The following OBSL1 variants were observed in gnomAD, a reference collection of about 807,000 sequenced individuals.
The protein encoded by OBSL1 is obscurin like cytoskeletal adaptor 1.
A neutral mutation model predicts 172.0 loss-of-function variants in OBSL1; 160 were observed. The observed-to-expected ratio is 0.93, with a 90% CI of 0.82 to 1.06. The LOEUF is 1.06. OBSL1 is among the 50% of genes least tolerant of loss of function. OBSL1 has a pLI of 0.00. For synonymous variants in OBSL1, 1,200 were observed against 1,196.3 expected (o/e 1.00, Z -0.06); for missense variants, 2,681 against 2,715.4 (o/e 0.99, Z 0.28).
chr2:219,556,886 G>A (rs1696052185), intron 12 of OBSL1, 163 bp from the exon 13 acceptor site: 2 of 729,172 alleles, frequency 2.7e-6, no homozygotes, highest in South Asian at 2.2e-5. Context: ...CAAGATGCCA[G>A]CTCCCTGCCA....
rs530300374 is a variant in OBSL1 at position 219,570,542 on chromosome 2, C to T, written c.691G>A (p.Glu231Lys). 2.5e-6 allele frequency: 4 copies of T among 1,603,066 alleles called. No homozygotes were observed. Among genetic ancestry groups the T allele is most frequent in the Non-Finnish European group, 3.4e-6 (4 of 1,176,002 alleles). ...TCGTCGGGGTCCGCGGGCGGGCTCT[C>T]GGGGGGCTGGTGCACCTGGAGCAGC... is the stretch of plus-strand genomic sequence containing the variant. ...GALLQVHQPP[E>K]SPPADPDEAP... is the part of the protein sequence containing the mutation. Residue 231 changes from glutamate to lysine, a missense_variant, in exon 1 of 21, where the codon GAG becomes AAG. By Grantham distance (56) the Glu-to-Lys change is moderately conservative. Transcript: ENST00000404537.
At position 219,570,861 on chromosome 2, in the gene OBSL1, C is replaced by A. The variant is rs1490996321; in HGVS notation, c.372G>T (p.Gly124=). The stretch of plus-strand genomic sequence containing the variant: ...CCGTGAGGAAGACCGGGGCGCCCTC[C>A]CCGGACCCCGGCGATGGCAGCGGGC... The part of the protein sequence containing the change: ...AERPLPSPGS[G]EGAPVFLTGP... The change falls in exon 1 of 21, where the codon GGG becomes GGT. Residue 124 remains glycine (G), a synonymous_variant. Coordinates refer to ENST00000404537, the MANE Select transcript of OBSL1 (RefSeq NM_015311.3). 9.2e-6 allele frequency: 13 copies of A among 1,408,656 alleles called. No individual in the cohort carries two copies. The highest frequency in any genetic ancestry group is 1.1e-5 in the Non-Finnish European group (12 of 1,082,620). The allele number at this position is 1,408,656 out of a possible 1,614,324, so 87.3% of individuals were successfully genotyped here. A position where few individuals can be genotyped will look rare whatever the true frequency, so the allele number is the denominator to read the frequency against.
intron 12 of OBSL1, 148 bp from the exon 13 acceptor site, chr2:219,556,871 A>C (rs964248362): frequency 4.7e-6 from 4 of 851,640 alleles, no homozygotes; most frequent in African/African-American, 1.7e-5. Flanking sequence ...CGATGGCCCA[A>C]AGGACAAGAT....
rs1697289208 is a variant in OBSL1 at position 219,570,741 on chromosome 2, G to A, written c.492C>T (p.Asp164=). The A allele has an allele frequency of 6.6e-7, 1 of 1,510,592 alleles. No individual in the cohort carries two copies. The highest frequency in any genetic ancestry group is 1.2e-5 in the South Asian group (1 of 81,070). 93.6% of individuals were successfully genotyped at this position (1,510,592 alleles called of 1,614,324 possible). Residue 164 remains aspartate (D), a synonymous_variant, in exon 1 of 21, where the codon GAC becomes GAT. Coordinates refer to ENST00000404537, the MANE Select transcript of OBSL1 (RefSeq NM_015311.3). ...LPEPTLYWEK[D]GMALDEVWDS... Reference sequence around the variant, plus strand: ...CCCACACTTCGTCCAGGGCCATCCCGTCCTTCTCCCAGTACAGTGTGGGCT... The same window carrying A: ...CCCACACTTCGTCCAGGGCCATCCCATCCTTCTCCCAGTACAGTGTGGGCT...
rs1337852114 is a variant in OBSL1, at chr2:219,568,265, C to T, written c.1072G>A (p.Ala358Thr). The change falls in exon 2 of 21, where the codon GCC becomes ACC. Residue 358 changes from alanine (A) to threonine (T), a missense_variant. Ala to Thr is a moderately conservative substitution (Grantham distance 58). This residue lies in a region of OBSL1 where 706 missense variants were observed against 695.8 expected (regional missense o/e 1.01). Transcript: ENST00000404537. The surrounding 1 kb of genome is among the most constrained non-coding windows in gnomAD (Gnocchi z 4.1). ...TTGGGTACTTTACATTCCAGCACGG[C>T]AATCCCGTGCTCACGGCCCTCCACG... ...QDVEGREHGI[A>T]VLECKVPNSR... The T allele has an allele frequency of 6.2e-7, 1 of 1,611,538 alleles. No homozygotes were observed. The highest frequency in any genetic ancestry group is 8.5e-7 in the Non-Finnish European group (1 of 1,179,124).
intron 14 of OBSL1, chr2:219,555,189 G>GA (rs1695910510): frequency 6.1e-6 from 1 of 164,856 alleles, no homozygotes; most frequent in African/African-American, 2.4e-5. Context: ...TTTCTTGAAT[G>GA]AAATAAGTTA....
At chr2:219,547,939 C>A (rs760786533), downstream of OBSL1, 1 of 1,593,430 alleles carries the variant, frequency 6.3e-7, no homozygotes, top group Non-Finnish European at 8.5e-7. Context: ...TGGGGCGCTA[C>A]GTGGTGGAGC....
At position 219,554,523 on chromosome 2, in the gene OBSL1, G is replaced by A. The variant is rs1559135131; in HGVS notation, c.4827C>T (p.Val1609=). The change falls in exon 15 of 21, where the codon GTC becomes GTT. Residue 1609 remains valine (V), a synonymous_variant. Coordinates refer to ENST00000404537, the MANE Select transcript of OBSL1 (RefSeq NM_015311.3). ...NGLGLADSGC[V]SFTADSLRCA... ...AGCGCAGGGAATCCGCTGTGAAGGA[G>A]ACACAGCCTGAGTCGGCCAGGCCCA... The A allele has an allele frequency of 5.6e-6, 9 of 1,613,456 alleles. No individual in the cohort carries two copies. The highest frequency in any genetic ancestry group is 7.6e-6 in the Non-Finnish European group (9 of 1,179,884).
In OBSL1 at chr2:219,563,349, C is replaced by T. The variant is rs1292960029; in HGVS notation, c.2680+6G>A. 22 of 1,556,916 alleles carry T rather than the reference C, an allele frequency of 1.4e-5. No individual in the cohort carries two copies. The Admixed American group carries it at 1.8e-4, about 13-fold the overall frequency. ...CTGTGCCTCCGAGGCCCACCTGGCCCCCCACCTGTGATGGTGACAGTGAAG... is the reference window on the plus strand; with the variant it reads ...CTGTGCCTCCGAGGCCCACCTGGCCTCCCACCTGTGATGGTGACAGTGAAG... On this transcript the variant is annotated splice_donor_region_variant and intron_variant, in intron 7 of 20. Coordinates refer to ENST00000404537, the MANE Select transcript of OBSL1 (RefSeq NM_015311.3).
intron 8 of OBSL1, among the ~76,000 whole-genome samples, chr2:219,561,295 T>G (rs964096075): frequency 2.6e-5 from 4 of 152,020 alleles, no homozygotes; most frequent in Admixed American, 2.6e-4. Context: ...CCTAGCCCTA[T>G]GGACCCCCAG....
chr2:219,547,277 G>A, downstream of OBSL1: 1 of 426,650 alleles, frequency 2.3e-6, no homozygotes, highest in East Asian at 3.4e-5. Context: ...TGATCTCAAT[G>A]GTTATGTTTG....
downstream of OBSL1, chr2:219,547,805 G>C: frequency 1.3e-6 from 2 of 1,591,810 alleles, no homozygotes; most frequent in Non-Finnish European, 1.7e-6. Context: ...GTTGCTGGGG[G>C]GCGGCCTGCT....
chr2:219,567,206 G>C, intron 4 of OBSL1, 67 bp downstream of exon 4: 1 of 1,560,288 alleles, frequency 6.4e-7, no homozygotes, highest in Non-Finnish European at 8.7e-7. Flanking sequence ...AAGCCTGTGA[G>C]AGGACCAGCA....
In OBSL1 at chr2:219,558,712, T is replaced by G. The variant is rs569341420; in HGVS notation, c.3227-253A>C. 7.2e-5 allele frequency among the ~76,000 whole-genome samples: 11 copies of G among 152,248 alleles called. No homozygotes were observed. The South Asian group carries it at 2.1e-3, about 29-fold the overall frequency. The stretch of plus-strand genomic sequence containing the variant: ...CATGGCTGAGGACCTGAGGCCTCTT[T>G]AGAAGAAACTGACTTGCCTAAGGTC... On this transcript the variant is annotated intron_variant, in intron 9 of 20. Coordinates refer to ENST00000404537, the MANE Select transcript of OBSL1 (RefSeq NM_015311.3).
intron 18 of OBSL1, 140 bp from the exon 19 acceptor site, chr2:219,552,356 G>T (rs946618799): frequency 2.2e-6 from 2 of 917,468 alleles, no homozygotes; most frequent in Non-Finnish European, 3.3e-6. Flanking sequence ...GATGCGGAGC[G>T]GGAAGCCTAG....
rs1473813268 is a variant in OBSL1 at position 219,565,224 on chromosome 2, GC to G, written c.2407+17del. ...ATCAGCCTTGGCTGGAGGAGCCCAG[GC>G]TGGCATGCTTCCTGACCTTGGACAG... On this transcript the variant is annotated intron_variant, in intron 6 of 20. Transcript: ENST00000404537. The G allele has an allele frequency of 1.3e-6, 2 of 1,595,104 alleles. No homozygotes were observed. Among genetic ancestry groups the G allele is most frequent in the African/African-American group, 2.7e-5 (2 of 74,614 alleles).
intron 7 of OBSL1, 182 bp downstream of exon 7, chr2:219,563,173 T>C: frequency 1.6e-6 from 1 of 627,656 alleles, no homozygotes; most frequent in Admixed American, 3.0e-5. Context: ...AATGTGCTTA[T>C]GATAACACGT....
chr2:219,564,533 T>C (rs1179238548), intron 6 of OBSL1, among the ~76,000 whole-genome samples: 1 of 152,132 alleles, frequency 6.6e-6, no homozygotes, highest in Non-Finnish European at 1.5e-5. Context: ...TCAGAGTAAG[T>C]GTCCAAAAAG....
intron 8 of OBSL1, 89 bp downstream of exon 8, chr2:219,562,313 C>T (rs1696537592): frequency 2.7e-6 from 4 of 1,502,450 alleles, no homozygotes; most frequent in African/African-American, 2.7e-5. Context: ...CCTCCCTCCT[C>T]CCCGGGGTGC....
Sources: gnomAD v4.1 joint callset for allele counts (sites outside exome capture counted in the v4.1 genomes callset) on GRCh38, gnomAD v4.1.1 for gene constraint, gnomAD v4.1.1 regional missense constraint, Gnocchi (gnomAD v3.1) non-coding constraint, MANE v1.5 for transcripts, NCBI Gene and HGNC (gene_info 2026-07-23, HGNC 2026-07-21) for gene names.